GPHN: variants seen among roughly 807,000 people sequenced by gnomAD.
GPHN encodes gephyrin.
In GPHN, 17 loss-of-function variants were observed where a neutral mutation model predicts 95.5. The ratio of observed to expected loss-of-function variants is 0.18; its 90% CI spans 0.12 to 0.27. GPHN has a LOEUF of 0.27. Ranked by LOEUF, GPHN falls within the 10% of genes least tolerant of loss-of-function variation. The pLI is 1.00. For missense variants in GPHN, 660 were observed against 978.1 expected (o/e 0.67, Z 4.34); for synonymous variants, 320 against 322.5 (o/e 0.99, Z 0.08).
chr14:66,517,466 A>C (rs2058295859), intron 1 of GPHN, among the ~76,000 whole-genome samples: 1 of 152,366 alleles, frequency 6.6e-6, no homozygotes. Context: ...GGAACCATAA[A>C]GGACCTGGAA....
chr14:67,331,761 A>T, the GPHN span, among the ~76,000 whole-genome samples: 1 of 152,092 alleles, frequency 6.6e-6, no homozygotes, highest in Admixed American at 6.6e-5. Context: ...CTCCAATACC[A>T]CAAAGTTTCA....
At chr14:67,572,570 G>A in the GPHN span, among the ~76,000 whole-genome samples, 3 of 152,072 alleles carry the variant, frequency 2.0e-5, no homozygotes, top group African/African-American at 7.2e-5. Context: ...ATATGACTTT[G>A]TTTTATCACC....
the GPHN span, among the ~76,000 whole-genome samples, chr14:67,643,653 G>GT: frequency 6.6e-6 from 1 of 152,058 alleles, no homozygotes; most frequent in African/African-American, 2.4e-5. Flanking sequence ...GTGAGATCAG[G>GT]TCTCTTAAAA....
intron 8 of GPHN, among the ~76,000 whole-genome samples, chr14:66,952,823 T>A: frequency 6.6e-6 from 1 of 152,196 alleles, no homozygotes; most frequent in East Asian, 1.9e-4. Context: ...GCCTCTCAAG[T>A]AGCTAGGATT....
At chr14:66,937,140 ACTACAGGC>A (rs1391002107) in intron 8 of GPHN, among the ~76,000 whole-genome samples, 4 of 151,776 alleles carry the variant, frequency 2.6e-5, no homozygotes, top group Non-Finnish European at 5.9e-5. Context: ...GTAGCTGGGG[ACTACAGGC>A]ACACAGCACC....
At position 66,776,389 on chromosome 14, in the gene GPHN, G is replaced by C. The variant is rs748509973; in HGVS notation, c.144-75G>C. 6.3e-5 allele frequency: 56 copies of C among 884,658 alleles called. 3 individuals are homozygous for C. The South Asian group carries it at 7.3e-4, about 12-fold the overall frequency. The allele number at this position is 884,658 out of a possible 1,614,324, so 54.8% of individuals were successfully genotyped here. A position where few individuals can be genotyped will look rare whatever the true frequency, so the allele number is the denominator to read the frequency against. On this transcript the variant is annotated intron_variant, in intron 2 of 22. Coordinates refer to ENST00000478722, the MANE Select transcript of GPHN (RefSeq NM_020806.5). Reference sequence around the variant, plus strand: ...TGGGAGTTATTGGTAGCATTCTGATGGTAATGGCAGAAATCTTTCATACAT... The same window carrying C: ...TGGGAGTTATTGGTAGCATTCTGATCGTAATGGCAGAAATCTTTCATACAT...
At chr14:66,579,251 T>A (rs1411953243) in intron 1 of GPHN, among the ~76,000 whole-genome samples, 2 of 151,572 alleles carry the variant, frequency 1.3e-5, no homozygotes, top group Non-Finnish European at 3.0e-5. Context: ...CAGAGAATCA[T>A]TAAATTACAA....
chr14:67,161,360 T>C (rs2081970927), intron 19 of GPHN, among the ~76,000 whole-genome samples: 1 of 151,540 alleles, frequency 6.6e-6, no homozygotes, highest in South Asian at 2.1e-4. Context: ...ATTGTTATGC[T>C]ATTGGGTATA....
chr14:67,724,376 T>G, the GPHN span: 1 of 931,942 alleles, frequency 1.1e-6, no homozygotes, highest in Non-Finnish European at 1.7e-6. Flanking sequence ...GATACCCTTC[T>G]TTGAGGCTGG....
At chr14:66,731,821 G>A (rs148466475) in intron 2 of GPHN, among the ~76,000 whole-genome samples, 73 of 152,280 alleles carry the variant, frequency 4.8e-4, no homozygotes, top group African/African-American at 1.5e-3. Context: ...AAATGGTTTC[G>A]TGGGCTGGGC....
chr14:66,803,701 T>A (rs573409226), intron 3 of GPHN, among the ~76,000 whole-genome samples: 1 of 152,264 alleles, frequency 6.6e-6, no homozygotes, highest in Admixed American at 6.5e-5. Context: ...TTTTTTCTTG[T>A]TGTTTACTTT....
At chr14:67,413,426 G>A in the GPHN span, among the ~76,000 whole-genome samples, 1 of 152,194 alleles carries the variant, frequency 6.6e-6, no homozygotes, top group Non-Finnish European at 1.5e-5. Flanking sequence ...CCAGTTTGAA[G>A]GGCCCTGTCA....
At chr14:66,994,351 G>C (rs1370945813) in intron 9 of GPHN, among the ~76,000 whole-genome samples, 1 of 151,644 alleles carries the variant, frequency 6.6e-6, no homozygotes, top group Non-Finnish European at 1.5e-5. Context: ...GGGCAACTGA[G>C]TAAAACTGTC....
At chr14:67,225,956 TGTGTGTGCGC>T in the GPHN span, among the ~76,000 whole-genome samples, 3 of 136,228 alleles carry the variant, frequency 2.2e-5, no homozygotes, top group Admixed American at 7.3e-5. Context: ...TGTGTGTGTG[TGTGTGTGCGC>T]GCGCGCGCGT....
chr14:67,436,741 A>C, the GPHN span, among the ~76,000 whole-genome samples: 31 of 152,176 alleles, frequency 2.0e-4, no homozygotes, highest in Non-Finnish European at 3.8e-4. Flanking sequence ...GGGAGAGAGG[A>C]GAGGAGAGAA....
At chr14:67,223,941 T>C in the GPHN span, 1 of 985,298 alleles carries the variant, frequency 1.0e-6, no homozygotes, top group South Asian at 4.7e-5. Context: ...AAATTAAAAA[T>C]GAGTCCGTAA....
chr14:67,211,597 A>C, the GPHN span, among the ~76,000 whole-genome samples: 8 of 152,226 alleles, frequency 5.3e-5, no homozygotes, highest in Admixed American at 5.2e-4. Flanking sequence ...TTATTTTAAC[A>C]CAGGAAAATT....
intron 1 of GPHN, among the ~76,000 whole-genome samples, chr14:66,654,135 T>C (rs2065189483): frequency 6.6e-6 from 1 of 152,144 alleles, no homozygotes; most frequent in South Asian, 2.1e-4. Flanking sequence ...TGATGATATC[T>C]CATTACATTT....
At chr14:67,522,990 GC>G in the GPHN span, among the ~76,000 whole-genome samples, 1 of 152,200 alleles carries the variant, frequency 6.6e-6, no homozygotes, top group Non-Finnish European at 1.5e-5. Flanking sequence ...GTCTTCTCTT[GC>G]CTAGTACTGT....
Sources: allele counts gnomAD v4.1 joint callset (sites outside exome capture counted in the v4.1 genomes callset), GRCh38; gene constraint gnomAD v4.1.1; transcripts MANE v1.5; gene names NCBI Gene and HGNC (gene_info 2026-07-23, HGNC 2026-07-21).